NFKBIA: variants seen among roughly 807,000 people sequenced by gnomAD.
NFKBIA encodes the protein NFKB inhibitor alpha, also known as NF-kappa-B inhibitor alpha.
NFKBIA carries 10 observed loss-of-function variants against 36.3 expected under a neutral mutation model. That is an observed-to-expected ratio of 0.28 (90% CI 0.17 to 0.47). NFKBIA has a LOEUF of 0.47. Among genes scored for constraint, NFKBIA ranks in the 20% least tolerant of loss-of-function variants. NFKBIA has a pLI of 0.99. For synonymous variants in NFKBIA, 205 were observed against 164.4 expected (o/e 1.25, Z -1.89); for missense variants, 355 against 399.3 (o/e 0.89, Z 0.94).
intron 5 of NFKBIA, 112 bp downstream of exon 5, chr14:35,402,282 G>T (rs2052736142): frequency 7.4e-7 from 1 of 1,354,954 alleles, no homozygotes; most frequent in South Asian, 1.2e-5. Flanking sequence ...ACAGAAATTT[G>T]AGAGACTCAT....
At chr14:35,403,606 G>C in intron 2 of NFKBIA, 84 bp downstream of exon 2, 1 of 1,020,392 alleles carries the variant, frequency 9.8e-7, no homozygotes. Flanking sequence ...CAGTGGCCCT[G>C]AATTCAGAAA....
intron 1 of NFKBIA, 152 bp from the exon 2 acceptor site, chr14:35,403,950 T>C (rs2138833177): frequency 5.9e-6 from 4 of 681,050 alleles, no homozygotes; most frequent in Admixed American, 2.1e-5. Context: ...TGAGTGTTCC[T>C]GGCAGGCGCC....
In NFKBIA at chr14:35,403,295, G is replaced by T; in HGVS notation, c.402C>A (p.Gly134=). Residue 134 remains glycine, a synonymous_variant, in exon 3 of 6, where the codon GGC becomes GGA. Coordinates refer to ENST00000216797, the MANE Select transcript of NFKBIA (RefSeq NM_020529.3). ...GAAAGTCTCGGAGCTCAGGATCACA[G>T]CCAGCTCCCAGAAGTGCCTCAGCAA... ...PEIAEALLGA[G]CDPELRDFRG... is the part of the protein sequence containing the mutation. The T allele has an allele frequency of 1.2e-6, 2 of 1,614,052 alleles. No homozygotes were observed. The highest frequency in any genetic ancestry group is 1.7e-6 in the Non-Finnish European group (2 of 1,180,028).
rs2233417 is a variant in NFKBIA, at chr14:35,402,888, C to T, written c.548-29G>A. ...GAAGAACAAAAGGAAAAAAGTATAA[C>T]CACCTGTTTCAACCCTCACTCCTTT... On this transcript the variant is annotated intron_variant, in intron 3 of 5. Transcript: ENST00000216797. 0.17 allele frequency: 275,715 copies of T among 1,597,270 alleles called. 25,578 individuals are homozygous for T. The highest frequency in any genetic ancestry group is 0.19 in the Non-Finnish European group (226,429 of 1,165,530).
At position 35,402,850 on chromosome 14, in the gene NFKBIA, C is replaced by T. The variant is rs2138831231; in HGVS notation, c.557G>A (p.Cys186Tyr). Residue 186 changes from cysteine (C) to tyrosine (Y), a missense_variant, in exon 4 of 6, where the codon TGT becomes TAT. Physicochemically the swap from Cys to Tyr is radical, Grantham distance 194. Coordinates refer to ENST00000216797, the MANE Select transcript of NFKBIA (RefSeq NM_020529.3). The stretch of plus-strand genomic sequence containing the variant: ...GCCATGGATAGAGGCTAAGTGTAGA[C>T]ACGTGTGGCCTGGAAGAACAAAAGG... ...LKATNYNGHT[C>Y]LHLASIHGYL... 6.2e-7 allele frequency: 1 copy of T among 1,613,272 alleles called. No homozygotes were observed. Among genetic ancestry groups the T allele is most frequent in the Non-Finnish European group, 8.5e-7 (1 of 1,179,736 alleles).
In NFKBIA at chr14:35,403,773, C is replaced by G. The variant is rs1448839061; in HGVS notation, c.253G>C (p.Glu85Gln). 6.2e-7 allele frequency: 1 copy of G among 1,613,898 alleles called. No individual in the cohort carries two copies. Among genetic ancestry groups the G allele is most frequent in the Non-Finnish European group, 8.5e-7 (1 of 1,179,936 alleles). Reference protein sequence around the residue: ...DSFLHLAIIHEEKALTMEVIR... With the variant: ...DSFLHLAIIHQEKALTMEVIR... ...ACTTCCATGGTCAGTGCCTTTTCTT[C>G]ATGGATGATGGCCAAGTGCAGGAAC... is the stretch of plus-strand genomic sequence containing the variant. The change falls in exon 2 of 6, where the codon GAA (glutamate) becomes CAA (glutamine). Residue 85 changes from glutamate to glutamine, a missense_variant. Transcript: ENST00000216797.
chr14:35,403,439 T>C (rs1343282027), intron 2 of NFKBIA, 79 bp from the exon 3 acceptor site: 2 of 1,474,526 alleles, frequency 1.4e-6, no homozygotes, highest in Admixed American at 1.8e-5. Flanking sequence ...CCGTGTCTCC[T>C]GGTTGGGTGC....
At position 35,404,645 on chromosome 14, in the gene NFKBIA, G is replaced by T. The variant is rs774490774; in HGVS notation, c.-1C>A. On this transcript the variant is annotated 5_prime_UTR_variant, in exon 1 of 6. Transcript: ENST00000216797. ...GGGGGCGCTCGGCCGCCTGGAACAT[G>T]GCGCGGACGAGCTGCGGGCGCTGCT... 1 of 1,486,966 alleles carries T rather than the reference G, an allele frequency of 6.7e-7. No homozygotes were observed. The allele number at this position is 1,486,966 out of a possible 1,614,324, so 92.1% of individuals were successfully genotyped here.
At position 35,403,804 on chromosome 14, in the gene NFKBIA, G is replaced by C. The variant is rs1292722048; in HGVS notation, c.228-6C>G. ...TGATGGCCAAGTGCAGGAACCTGTG[G>C]GGAAGAGAGGGAAAAACCCCAGGGG... On this transcript the variant is annotated splice_region_variant and splice_polypyrimidine_tract_variant and intron_variant, in intron 1 of 5. Transcript: ENST00000216797. The C allele has an allele frequency of 6.2e-7, 1 of 1,607,022 alleles. No individual in the cohort carries two copies. The highest frequency in any genetic ancestry group is 8.5e-7 in the Non-Finnish European group (1 of 1,175,058).
intron 5 of NFKBIA, 129 bp downstream of exon 5, chr14:35,402,265 G>A: frequency 7.6e-7 from 1 of 1,312,538 alleles, no homozygotes; most frequent in South Asian, 1.2e-5. Flanking sequence ...TGGGATACTG[G>A]TTATGCACAG....
In NFKBIA at chr14:35,403,300, C is replaced by T. The variant is rs2138832087; in HGVS notation, c.397G>A (p.Ala133Thr). Residue 133 changes from alanine (A) to threonine (T), a missense_variant, in exon 3 of 6, where the codon GCT (alanine) becomes ACT (threonine). Physicochemically the swap from Ala to Thr is moderately conservative, Grantham distance 58. Coordinates refer to ENST00000216797, the MANE Select transcript of NFKBIA (RefSeq NM_020529.3). ...TCTCGGAGCTCAGGATCACAGCCAGCTCCCAGAAGTGCCTCAGCAATTTCT... is the reference window on the plus strand; with the variant it reads ...TCTCGGAGCTCAGGATCACAGCCAGTTCCCAGAAGTGCCTCAGCAATTTCT... Reference protein sequence around the residue: ...QPEIAEALLGAGCDPELRDFR... With the variant: ...QPEIAEALLGTGCDPELRDFR... 1 of 1,614,082 alleles carries T rather than the reference C, an allele frequency of 6.2e-7. No individual in the cohort carries two copies. Among genetic ancestry groups the T allele is most frequent in the Non-Finnish European group, 8.5e-7 (1 of 1,180,036 alleles).
At position 35,402,634 on chromosome 14, in the gene NFKBIA, G is replaced by A. The variant is rs2052740247; in HGVS notation, c.666C>T (p.His222=). ...QEPCNGRTAL[H]LAVDLQNPDL... is the part of the protein sequence containing the mutation. The stretch of plus-strand genomic sequence containing the variant: ...CAGGATTTTGCAGGTCCACTGCGAG[G>A]TGAAGGGCAGTCCGGCCATTACAGG... The change falls in exon 5 of 6, where the codon CAC becomes CAT. Residue 222 remains histidine, a synonymous_variant. Coordinates refer to ENST00000216797, the MANE Select transcript of NFKBIA (RefSeq NM_020529.3). 1.2e-6 allele frequency: 2 copies of A among 1,614,242 alleles called. No individual in the cohort carries two copies. The highest frequency in any genetic ancestry group is 1.7e-6 in the Non-Finnish European group (2 of 1,180,044).
chr14:35,404,320 G>A, intron 1 of NFKBIA, 98 bp downstream of exon 1: 1 of 888,240 alleles, frequency 1.1e-6, no homozygotes. Flanking sequence ...TGCATCGCTG[G>A]TCCCCCGGCT....
Position 35,401,778 on chromosome 14 carries a change from G to T in NFKBIA, c.*235C>A, listed in dbSNP as rs2052728217. On this transcript the variant is annotated 3_prime_UTR_variant, in exon 6 of 6. Transcript: ENST00000216797. ...TCTCCAAAAACCCCACAAAGGTGAGGTTTAAAAGAAGTTTTCTCAGAATTT... is the reference window on the plus strand; with the variant it reads ...TCTCCAAAAACCCCACAAAGGTGAGTTTTAAAAGAAGTTTTCTCAGAATTT... The T allele has an allele frequency of 1.7e-6, 1 of 575,602 alleles. No individual in the cohort carries two copies. Among genetic ancestry groups the T allele is most frequent in the African/African-American group, 1.9e-5 (1 of 53,230 alleles). The allele number at this position is 575,602 out of a possible 1,614,324, so 35.7% of individuals were successfully genotyped here. A position where few individuals can be genotyped will look rare whatever the true frequency, so the allele number is the denominator to read the frequency against.
chr14:35,404,281 G>T, intron 1 of NFKBIA, 137 bp downstream of exon 1: 1 of 517,996 alleles, frequency 1.9e-6, no homozygotes, highest in Non-Finnish European at 3.0e-6. Flanking sequence ...CGGTGCAGGA[G>T]CCCCGGGGTG....
At chr14:35,403,532 G>T in intron 2 of NFKBIA, 158 bp downstream of exon 2, 1 of 883,740 alleles carries the variant, frequency 1.1e-6, no homozygotes, top group East Asian at 2.6e-5. Context: ...CCAAATCAGT[G>T]GAATTTCCTT....
rs777254521 is a variant in NFKBIA, at chr14:35,403,259, G to C, written c.438C>G (p.Thr146=). ...CCTGCTCACAGGCAAGGTGTAGGGG[G>C]GTATTTCCTCGAAAGTCTCGGAGCT... The part of the protein sequence containing the change: ...DPELRDFRGN[T]PLHLACEQGC... The change falls in exon 3 of 6, where the codon ACC becomes ACG. Residue 146 remains threonine (T), a synonymous_variant. Coordinates refer to ENST00000216797, the MANE Select transcript of NFKBIA (RefSeq NM_020529.3). 1 of 1,613,586 alleles carries C rather than the reference G, an allele frequency of 6.2e-7. No individual in the cohort carries two copies. Among genetic ancestry groups the C allele is most frequent in the Non-Finnish European group, 8.5e-7 (1 of 1,180,022 alleles).
chr14:35,404,670 T>C lies in NFKBIA; in HGVS notation c.-26A>G. The C allele has an allele frequency of 7.0e-7, 1 of 1,436,834 alleles. No individual in the cohort carries two copies. The highest frequency in any genetic ancestry group is 9.2e-7 in the Non-Finnish European group (1 of 1,089,630). The allele number at this position is 1,436,834 out of a possible 1,614,324, so 89.0% of individuals were successfully genotyped here. A position where few individuals can be genotyped will look rare whatever the true frequency, so the allele number is the denominator to read the frequency against. ...GGCGCGGACGAGCTGCGGGCGCTGC[T>C]GCGGGTGCGCTGGGCCGCGGGCTGC... On this transcript the variant is annotated 5_prime_UTR_variant, in exon 1 of 6. Coordinates refer to ENST00000216797, the MANE Select transcript of NFKBIA (RefSeq NM_020529.3).
At position 35,403,351 on chromosome 14, in the gene NFKBIA, G is replaced by T; in HGVS notation, c.346C>A (p.His116Asn). 6.2e-7 allele frequency: 1 copy of T among 1,614,040 alleles called. No individual in the cohort carries two copies. The highest frequency in any genetic ancestry group is 2.2e-5 in the East Asian group (1 of 44,880). ...FQNNLQQTPL[H>N]LAVITNQPEI... is the part of the protein sequence containing the mutation. ...GGCTGGTTGGTGATCACAGCCAAGT[G>T]GAGTGGAGTCTACGAATGCAAGAGA... The change falls in exon 3 of 6, where the codon CAC becomes AAC. Residue 116 changes from histidine (H) to asparagine (N), a missense_variant. By Grantham distance (68) the His-to-Asn change is moderately conservative (BLOSUM62 1). Coordinates refer to ENST00000216797, the MANE Select transcript of NFKBIA (RefSeq NM_020529.3).
Sources: gnomAD v4.1 joint callset for allele counts on GRCh38, gnomAD v4.1.1 for gene constraint, MANE v1.5 for transcripts, NCBI Gene and HGNC (gene_info 2026-07-23, HGNC 2026-07-21) for gene names.